The following HIVEP1 variants were observed in gnomAD, a reference collection of about 807,000 sequenced individuals.
HIVEP1 encodes the protein zinc finger protein 40.
Under a neutral mutation model 180.0 loss-of-function variants are expected in HIVEP1, and 36 were observed. The observed-to-expected ratio is 0.20, with a 90% CI of 0.15 to 0.26. HIVEP1 has a LOEUF of 0.26. Ranked by LOEUF, HIVEP1 falls within the 10% of genes least tolerant of loss-of-function variation. The pLI is 1.00. For missense variants in HIVEP1, 3,143 were observed against 3,268.7 expected (o/e 0.96, Z 0.94); for synonymous variants, 1,239 against 1,239.0 (o/e 1.00, Z 0.00).
At chr6:12,097,387 T>C (rs1160988816) in intron 3 of HIVEP1, among the ~76,000 whole-genome samples, 1 of 151,922 alleles carries the variant, frequency 6.6e-6, no homozygotes, top group Non-Finnish European at 1.5e-5. Context: ...CCCGCAAGCT[T>C]TAACCCAGCT....
At chr6:12,193,325 T>C in the HIVEP1 span, among the ~76,000 whole-genome samples, 1 of 152,220 alleles carries the variant, frequency 6.6e-6, no homozygotes, top group Non-Finnish European at 1.5e-5. Context: ...AAGCATTCCA[T>C]ATGAATATTA....
At chr6:12,132,547 T>C (rs960214807) in intron 6 of HIVEP1, among the ~76,000 whole-genome samples, 2 of 152,138 alleles carry the variant, frequency 1.3e-5, no homozygotes, top group African/African-American at 4.8e-5. Context: ...AGGAAAAATA[T>C]GATGAGTCAC....
upstream of HIVEP1, among the ~76,000 whole-genome samples, chr6:12,009,969 TC>T (rs1767191474): frequency 6.6e-6 from 1 of 152,264 alleles, no homozygotes; most frequent in Non-Finnish European, 1.5e-5. Context: ...TAAACGTTAT[TC>T]ATTCAGTTAG....
chr6:12,155,078 C>G (rs961099192), intron 7 of HIVEP1, among the ~76,000 whole-genome samples: 1 of 151,976 alleles, frequency 6.6e-6, no homozygotes, highest in African/African-American at 2.4e-5. Context: ...TTAGATTTAT[C>G]CGAGAACCTT....
At chr6:12,104,595 T>TTTGTTA (rs1231828394) in intron 3 of HIVEP1, among the ~76,000 whole-genome samples, 1 of 151,828 alleles carries the variant, frequency 6.6e-6, no homozygotes, top group Non-Finnish European at 1.5e-5. Flanking sequence ...ATATTTGTTT[T>TTTGTTA]TTGTTTTTGT....
chr6:12,031,538 T>G (rs1768939208), intron 2 of HIVEP1, among the ~76,000 whole-genome samples: 1 of 152,214 alleles, frequency 6.6e-6, no homozygotes, highest in African/African-American at 2.4e-5. Context: ...TTTAACTGAC[T>G]GTGCTCCAAA....
chr6:12,165,675 T>G (rs139798785), downstream of HIVEP1, among the ~76,000 whole-genome samples: 364 of 152,366 alleles, frequency 2.4e-3, no homozygotes, highest in African/African-American at 8.5e-3. Context: ...AGAAAAGTAT[T>G]TTAATGTTGG....
the HIVEP1 span, among the ~76,000 whole-genome samples, chr6:12,179,660 A>G: frequency 2.0e-5 from 3 of 152,148 alleles, no homozygotes; most frequent in Admixed American, 6.5e-5. Flanking sequence ...TATGACTACT[A>G]TTGTTCCATG....
intron 2 of HIVEP1, among the ~76,000 whole-genome samples, chr6:12,023,823 A>G (rs1768407586): frequency 6.6e-6 from 1 of 152,342 alleles, no homozygotes. Flanking sequence ...TGTACAAAAT[A>G]TGTTCTGATG....
At chr6:12,010,601 T>C (rs986345185), upstream of HIVEP1, among the ~76,000 whole-genome samples, 1 of 148,726 alleles carries the variant, frequency 6.7e-6, no homozygotes, top group African/African-American at 2.5e-5. Flanking sequence ...TTTAGTTTCA[T>C]CAGGGATTTT....
At chr6:12,176,668 G>GGATACAAA in the HIVEP1 span, among the ~76,000 whole-genome samples, 1 of 152,012 alleles carries the variant, frequency 6.6e-6, no homozygotes, top group Non-Finnish European at 1.5e-5. Flanking sequence ...CCTTTAAAAA[G>GGATACAAA]GATACAAAGC....
intron 7 of HIVEP1, among the ~76,000 whole-genome samples, chr6:12,139,407 C>G (rs765954937): frequency 6.6e-6 from 1 of 152,196 alleles, no homozygotes; most frequent in Non-Finnish European, 1.5e-5. Context: ...GTCTGCAGTT[C>G]CCAGCGTGAT....
At chr6:12,014,834 A>G (rs1016837286) in intron 1 of HIVEP1, among the ~76,000 whole-genome samples, 4 of 152,256 alleles carry the variant, frequency 2.6e-5, no homozygotes, top group African/African-American at 7.2e-5. Flanking sequence ...TTAAGCAAAC[A>G]AAAAGGTGTT....
At position 12,042,224 on chromosome 6, in the gene HIVEP1, C is replaced by T. The variant is rs1213530318; in HGVS notation, c.40+26556C>T. 2.5e-4 allele frequency among the ~76,000 whole-genome samples: 37 copies of T among 149,990 alleles called. 1 individual carries two copies. Among genetic ancestry groups the T allele is most frequent in the African/African-American group, 7.7e-4 (31 of 40,188 alleles). ...CCTCCCGAGTAGCTGGGACTACAGG[C>T]GCCCGCCACCGCGCCTGGCTAATTT... is the stretch of plus-strand genomic sequence containing the variant. On this transcript the variant is annotated intron_variant, in intron 2 of 8. Transcript: ENST00000379388.
chr6:12,126,831 A>T (rs1237225364), intron 4 of HIVEP1, among the ~76,000 whole-genome samples: 5 of 152,064 alleles, frequency 3.3e-5, no homozygotes, highest in Non-Finnish European at 4.4e-5. Flanking sequence ...ATTTTTTTTA[A>T]AAAAATAGGG....
At chr6:12,014,359 C>G (rs1767601813) in intron 1 of HIVEP1, among the ~76,000 whole-genome samples, 1 of 152,104 alleles carries the variant, frequency 6.6e-6, no homozygotes, top group South Asian at 2.1e-4. Context: ...TTATCTTGGA[C>G]AAGTTACTTA....
the HIVEP1 span, among the ~76,000 whole-genome samples, chr6:12,207,611 A>C: frequency 1.3e-5 from 2 of 152,054 alleles, no homozygotes; most frequent in African/African-American, 4.8e-5. Context: ...CCTCACAATT[A>C]ATCTAGATTT....
At chr6:12,048,957 AAG>A (rs1298209202) in intron 2 of HIVEP1, among the ~76,000 whole-genome samples, 4 of 152,204 alleles carry the variant, frequency 2.6e-5, no homozygotes, top group Non-Finnish European at 5.9e-5. Flanking sequence ...ATGTTAGTAA[AAG>A]AAAATGTGGA....
chr6:12,120,525 C>G lies in HIVEP1; in HGVS notation c.730C>G (p.Pro244Ala), dbSNP rs753280254. The change falls in exon 4 of 9, where the codon CCA becomes GCA. Residue 244 changes from proline (P) to alanine (A), a missense_variant. Transcript: ENST00000379388. The stretch of plus-strand genomic sequence containing the variant: ...ATTAAAAAACAGTTCAATGGATGCC[C>G]CAAATCAGACTTCACAGGAATTGGT... ...PKLKNSSMDAPNQTSQELVAE... is the reference protein window; with the variant it reads ...PKLKNSSMDAANQTSQELVAE... 3.1e-6 allele frequency: 5 copies of G among 1,614,120 alleles called. No individual in the cohort carries two copies. The highest frequency in any genetic ancestry group is 8.5e-7 in the Non-Finnish European group (1 of 1,180,012).
Sources: gnomAD v4.1 joint callset for allele counts (sites outside exome capture counted in the v4.1 genomes callset) on GRCh38, gnomAD v4.1.1 for gene constraint, MANE v1.5 for transcripts, NCBI Gene and HGNC (gene_info 2026-07-23, HGNC 2026-07-21) for gene names.